ARSG: variants seen among roughly 807,000 people sequenced by gnomAD.
ARSG encodes the protein ASG.
Under a neutral mutation model 50.5 loss-of-function variants are expected in ARSG, and 37 were observed. That is an observed-to-expected ratio of 0.73 (90% CI 0.56 to 0.96). The LOEUF (loss-of-function observed/expected upper bound fraction) is 0.96, where lower values mean the gene tolerates loss of function less well. ARSG is among the 50% of genes least tolerant of loss of function. The probability of loss-of-function intolerance (pLI) is 0.00; values close to 1 mark genes in which losing one functional copy is unlikely to be tolerated. For synonymous variants in ARSG, 225 were observed against 254.6 expected (o/e 0.88, Z 1.11); for missense variants, 629 against 675.3 (o/e 0.93, Z 0.76).
intron 2 of ARSG, among the ~76,000 whole-genome samples, chr17:68,308,606 T>C (rs2076703368): frequency 6.6e-6 from 1 of 152,152 alleles, no homozygotes; most frequent in South Asian, 2.1e-4. Context: ...GCTTCCACAG[T>C]GTGGAAAGGG....
chr17:68,283,770 C>A (rs2075774045), intron 1 of ARSG, among the ~76,000 whole-genome samples: 1 of 150,436 alleles, frequency 6.6e-6, no homozygotes, highest in African/African-American at 2.5e-5. Flanking sequence ...CCCAGCTACA[C>A]GGGAGGCTGA....
In ARSG at chr17:68,396,878, G is replaced by A. The variant is rs138550081; in HGVS notation, c.1212+1685G>A. 4.9e-3 allele frequency among the ~76,000 whole-genome samples: 752 copies of A among 152,330 alleles called. 3 individuals carry two copies. The highest frequency in any genetic ancestry group is 0.017 in the Middle Eastern group (5 of 294). ...AGGCCTAGCCCTTCTCCCTAAGCAG[G>A]AGCAGCCAGGCAGGAAGATGGTTTC... On this transcript the variant is annotated intron_variant, in intron 10 of 11. Transcript: ENST00000621439.
the ARSG span, among the ~76,000 whole-genome samples, chr17:68,439,176 G>C: frequency 6.6e-6 from 1 of 152,068 alleles, no homozygotes. Flanking sequence ...ACAAAAACTT[G>C]TATATGAATG....
At chr17:68,448,061 CT>C in the ARSG span, among the ~76,000 whole-genome samples, 1 of 151,186 alleles carries the variant, frequency 6.6e-6, no homozygotes, top group Non-Finnish European at 1.5e-5. Context: ...TAACTTTTTC[CT>C]GTTTTTCAAA....
At chr17:68,309,287 C>T (rs1312568469) in intron 2 of ARSG, among the ~76,000 whole-genome samples, 8 of 152,260 alleles carry the variant, frequency 5.3e-5, no homozygotes, top group Admixed American at 1.3e-4. Flanking sequence ...CCGCTCGCGC[C>T]TCTCCCTCCA....
intron 9 of ARSG, among the ~76,000 whole-genome samples, chr17:68,391,917 G>A (rs1457652212): frequency 6.6e-6 from 1 of 152,240 alleles, no homozygotes. Flanking sequence ...TCAATGGAGA[G>A]ATTCTGCCTG....
intron 11 of ARSG, among the ~76,000 whole-genome samples, chr17:68,412,580 A>C (rs1480889326): frequency 1.3e-5 from 2 of 152,074 alleles, no homozygotes; most frequent in African/African-American, 4.8e-5. Context: ...AACTTTGGTG[A>C]ATCTGACAAT....
At chr17:68,407,830 A>G (rs376696001) in intron 11 of ARSG, among the ~76,000 whole-genome samples, 1 of 151,996 alleles carries the variant, frequency 6.6e-6, no homozygotes, top group African/African-American at 2.4e-5. Context: ...CTCTTTACTG[A>G]TTTGAATGCC....
chr17:68,310,405 C>T (rs2076804617), intron 2 of ARSG, among the ~76,000 whole-genome samples: 1 of 152,194 alleles, frequency 6.6e-6, no homozygotes, highest in African/African-American at 2.4e-5. Context: ...GCGTGGCTTA[C>T]ACTTAAGGCA....
chr17:68,366,560 T>C (rs1186132325), intron 6 of ARSG, among the ~76,000 whole-genome samples: 1 of 152,130 alleles, frequency 6.6e-6, no homozygotes, highest in African/African-American at 2.4e-5. Flanking sequence ...CTGCAAATCA[T>C]TGCTGTACGA....
intron 8 of ARSG, 106 bp from the exon 9 acceptor site, chr17:68,384,958 G>A (rs2080627670): frequency 2.4e-6 from 2 of 831,652 alleles, no homozygotes; most frequent in East Asian, 2.5e-5. Context: ...CTTTGTTGGG[G>A]TTATTGGAAA....
chr17:68,270,757 T>G, intron 1 of ARSG: 4 of 1,309,902 alleles, frequency 3.1e-6, no homozygotes, highest in Non-Finnish European at 4.2e-6. Flanking sequence ...GGCAGTAAGT[T>G]TTTTTTATGG....
chr17:68,277,391 A>G (rs1371090168), intron 1 of ARSG, among the ~76,000 whole-genome samples: 1 of 151,224 alleles, frequency 6.6e-6, no homozygotes, highest in Non-Finnish European at 1.5e-5. Flanking sequence ...CGGCTTTCCA[A>G]AGTGCTGGGA....
chr17:68,259,924 C>A (rs1391610917), intron 1 of ARSG, among the ~76,000 whole-genome samples: 1 of 152,132 alleles, frequency 6.6e-6, no homozygotes, highest in Non-Finnish European at 1.5e-5. Context: ...TCATGTAAAT[C>A]TTCTGTCAGT....
At chr17:68,423,874 A>G (rs1438988789), downstream of ARSG, among the ~76,000 whole-genome samples, 1 of 152,258 alleles carries the variant, frequency 6.6e-6, no homozygotes, top group East Asian at 1.9e-4. This position sits in a 1 kb window ranked among gnomAD's most constrained non-coding sequence, Gnocchi z 4.4. Context: ...GCTTACTGCG[A>G]TTACAATTAA....
intron 6 of ARSG, among the ~76,000 whole-genome samples, chr17:68,366,386 TAAA>T (rs146100013): frequency 6.6e-6 from 1 of 152,004 alleles, no homozygotes; most frequent in Non-Finnish European, 1.5e-5. Flanking sequence ...ACCTGAAAAT[TAAA>T]AAAAGCCACC....
intron 2 of ARSG, among the ~76,000 whole-genome samples, chr17:68,333,166 CA>C (rs1187217144): frequency 6.6e-6 from 1 of 151,846 alleles, no homozygotes; most frequent in African/African-American, 2.4e-5. Flanking sequence ...ACAACAACAA[CA>C]AAAAATTAGC....
downstream of ARSG, among the ~76,000 whole-genome samples, chr17:68,424,783 A>C (rs1568618470): frequency 6.6e-6 from 1 of 152,192 alleles, no homozygotes; most frequent in East Asian, 1.9e-4. Context: ...AGGCTGAGGC[A>C]GGAGAATTGC....
downstream of ARSG, chr17:68,427,345 C>G: frequency 1.0e-6 from 1 of 962,958 alleles, no homozygotes; most frequent in South Asian, 1.4e-5. Context: ...GAAGCCTGTG[C>G]TCAGCTCTGT....
Sources: gnomAD v4.1 joint callset for allele counts (sites outside exome capture counted in the v4.1 genomes callset) on GRCh38, gnomAD v4.1.1 for gene constraint, Gnocchi (gnomAD v3.1) non-coding constraint, MANE v1.5 for transcripts, NCBI Gene and HGNC (gene_info 2026-07-23, HGNC 2026-07-21) for gene names.